Variants in MEI1 observed in about 807,000 individuals in gnomAD.
MEI1 encodes meiosis inhibitor protein 1.
MEI1 carries 103 observed loss-of-function variants against 146.2 expected under a neutral mutation model. The ratio of observed to expected loss-of-function variants is 0.70; its 90% confidence interval spans 0.60 to 0.83. The LOEUF (loss-of-function observed/expected upper bound fraction) is 0.83, where lower values mean the gene tolerates loss of function less well. MEI1 is among the 40% of genes least tolerant of loss of function. The pLI is 0.00. For missense variants in MEI1, 1,529 were observed against 1,533.0 expected, an observed-to-expected ratio of 1.00 and a Z score of 0.04; for synonymous variants, 652 against 628.2, an observed-to-expected ratio of 1.04 and a Z score of -0.57.
At chr22:41,737,518 C>T (rs2072481218) in intron 11 of MEI1, among the ~76,000 whole-genome samples, 1 of 151,540 alleles carries the variant, frequency 6.6e-6, no homozygotes. Flanking sequence ...GGATTACAGG[C>T]GTGAGCCACC....
chr22:41,765,944 G>A (rs1432870768), intron 19 of MEI1, among the ~76,000 whole-genome samples: 3 of 141,022 alleles, frequency 2.1e-5, no homozygotes, highest in Non-Finnish European at 4.5e-5. Flanking sequence ...GCTAGAGAGT[G>A]CAGTGGCGTG....
chr22:41,706,917 G>A (rs184148678), intron 3 of MEI1, among the ~76,000 whole-genome samples: 1 of 151,726 alleles, frequency 6.6e-6, no homozygotes, highest in African/African-American at 2.4e-5. Flanking sequence ...TAGGCCGGGC[G>A]CAGTGGCTCA....
chr22:41,795,808 C>T lies in MEI1; in HGVS notation c.3740C>T (p.Pro1247Leu). 6.2e-7 allele frequency: 1 copy of T among 1,613,678 alleles called. No homozygotes were observed. Residue 1247 changes from proline to leucine, a missense_variant, in exon 30 of 31, where the codon CCT (proline) becomes CTT (leucine). Around this residue, in one of 3 missense-constraint regions of MEI1, gnomAD observed 313 missense variants for 337.3 expected, o/e 0.93. Transcript: ENST00000401548. This position sits in a 1 kb window ranked among gnomAD's most constrained non-coding sequence, Gnocchi z 4.2. ...TLQASLEGLP[P>L]STSSGQPPLQ... is the part of the protein sequence containing the mutation. ...CAGGCCTCCTTGGAGGGCCTTCCCC[C>T]TAGCACCTCCTCAGGCCAGCCACCC...
intron 19 of MEI1, among the ~76,000 whole-genome samples, chr22:41,768,245 G>A (rs2074973537): frequency 6.6e-6 from 1 of 152,124 alleles, no homozygotes; most frequent in African/African-American, 2.4e-5. Flanking sequence ...AGCTGGGCGT[G>A]GCGGCATGCG....
chr22:41,705,988 A>G (rs1055038611), intron 3 of MEI1, among the ~76,000 whole-genome samples: 4 of 151,466 alleles, frequency 2.6e-5, no homozygotes, highest in African/African-American at 4.8e-5. Flanking sequence ...GATTACAGGC[A>G]TGAGCCACTG....
intron 3 of MEI1, among the ~76,000 whole-genome samples, chr22:41,711,180 T>C (rs1385251895): frequency 1.3e-5 from 2 of 152,164 alleles, no homozygotes; most frequent in Non-Finnish European, 2.9e-5. Context: ...TTTCTTTTTT[T>C]TTCTTTTTTT....
rs952021782 is a variant in MEI1, at chr22:41,727,020, G to T, written c.865-2645G>T. Reference sequence around the variant, plus strand: ...GATCTCCTGACCTCGTGATCCACCCGCCTCAGCCTCCCTAATTTCTAAACT... The same window carrying T: ...GATCTCCTGACCTCGTGATCCACCCTCCTCAGCCTCCCTAATTTCTAAACT... On this transcript the variant is annotated intron_variant, in intron 7 of 30. Transcript: ENST00000401548. 3.3e-5 allele frequency among the ~76,000 whole-genome samples: 5 copies of T among 151,834 alleles called. No individual in the cohort carries two copies. The South Asian group carries it at 6.2e-4, about 19-fold the overall frequency.
intron 4 of MEI1, among the ~76,000 whole-genome samples, chr22:41,714,621 A>C (rs892083978): frequency 3.3e-5 from 5 of 152,072 alleles, no homozygotes; most frequent in Non-Finnish European, 7.3e-5. Flanking sequence ...CTGTAATCCC[A>C]GCACTTTGGG....
chr22:41,766,726 A>G (rs1602037311), intron 19 of MEI1, among the ~76,000 whole-genome samples: 1 of 150,522 alleles, frequency 6.6e-6, no homozygotes, highest in Admixed American at 6.7e-5. Flanking sequence ...AATTATTTTT[A>G]TTTCCTGTAG....
intron 11 of MEI1, among the ~76,000 whole-genome samples, chr22:41,737,735 C>T (rs897565199): frequency 2.6e-5 from 4 of 152,054 alleles, no homozygotes; most frequent in Non-Finnish European, 4.4e-5. Flanking sequence ...CCCGCCTCCC[C>T]CCACTAAAAT....
intron 14 of MEI1, chr22:41,747,213 A>G (rs950310437): frequency 6.6e-6 from 1 of 151,598 alleles, no homozygotes; most frequent in African/African-American, 2.4e-5. Context: ...GGCTATGTAC[A>G]GAGCCTGAAC....
chr22:41,791,519 A>G (rs1230912022), intron 26 of MEI1, among the ~76,000 whole-genome samples: 1 of 152,176 alleles, frequency 6.6e-6, no homozygotes, highest in African/African-American at 2.4e-5. Context: ...TCTCAGCCAC[A>G]GTGGGAAAGA....
chr22:41,700,111 C>A (rs73161352), intron 1 of MEI1, among the ~76,000 whole-genome samples: 2,484 of 151,830 alleles, frequency 0.016, 49 homozygotes, highest in Admixed American at 0.059. Context: ...GCCATTTCAG[C>A]CTCCACTCAC....
intron 3 of MEI1, among the ~76,000 whole-genome samples, chr22:41,708,974 C>G (rs1400284399): frequency 6.6e-6 from 1 of 152,172 alleles, no homozygotes; most frequent in Non-Finnish European, 1.5e-5. Flanking sequence ...CAGGGAATCC[C>G]TCCTCCTGGG....
At chr22:41,782,796 G>T (rs2075813468) in intron 24 of MEI1, among the ~76,000 whole-genome samples, 1 of 152,172 alleles carries the variant, frequency 6.6e-6, no homozygotes. Context: ...CTGCCTAGGA[G>T]AAAACTTGCA....
chr22:41,701,197 C>T (rs2068701091), intron 1 of MEI1, among the ~76,000 whole-genome samples: 1 of 152,018 alleles, frequency 6.6e-6, no homozygotes, highest in African/African-American at 2.4e-5. Flanking sequence ...CCTCAGCCTC[C>T]CAAAGTGTTG....
chr22:41,723,860 T>C (rs890492735), intron 6 of MEI1, 83 bp from the exon 7 acceptor site: 24 of 1,476,016 alleles, frequency 1.6e-5, no homozygotes, highest in Non-Finnish European at 2.2e-5. Context: ...GAAGTTTCTC[T>C]GGGGATGTCT....
At chr22:41,772,385 A>T (rs373807950) in intron 20 of MEI1, among the ~76,000 whole-genome samples, 2 of 152,090 alleles carry the variant, frequency 1.3e-5, no homozygotes, top group East Asian at 1.9e-4. Context: ...GCTCATGCCT[A>T]TAATCCCAGT....
rs372901324 is a variant in MEI1 at position 41,766,041 on chromosome 22, C to G, written c.2268+2720C>G. Among the ~76,000 whole-genome samples, 8 of 151,678 alleles carry G rather than the reference C, an allele frequency of 5.3e-5. No homozygotes were observed. In the South Asian group the frequency reaches 1.7e-3, roughly 32 times the overall value. Reference sequence around the variant, plus strand: ...GAGTAGCTGGGATTACAGGCACCCGCCACCATGCCTGACTAATTTTTTGTA... The same window carrying G: ...GAGTAGCTGGGATTACAGGCACCCGGCACCATGCCTGACTAATTTTTTGTA... On this transcript the variant is annotated intron_variant, in intron 19 of 30. Coordinates refer to ENST00000401548, the MANE Select transcript of MEI1 (RefSeq NM_152513.4).
Sources: gnomAD v4.1 joint callset for allele counts (sites outside exome capture counted in the v4.1 genomes callset) on GRCh38, gnomAD v4.1.1 for gene constraint, gnomAD v4.1.1 regional missense constraint, Gnocchi (gnomAD v3.1) non-coding constraint, MANE v1.5 for transcripts, NCBI Gene and HGNC (gene_info 2026-07-23, HGNC 2026-07-21) for gene names.